Variants in FRAS1 observed in about 807,000 individuals in gnomAD.
The protein encoded by FRAS1 is Fraser extracellular matrix complex subunit 1, also known as extracellular matrix organizing protein FRAS1.
In FRAS1, 290 loss-of-function variants were observed where a neutral mutation model predicts 435.2. That is an observed-to-expected ratio of 0.67 (90% CI 0.61 to 0.73). FRAS1 has a LOEUF of 0.73. Among genes scored for constraint, FRAS1 ranks in the 30% least tolerant of loss-of-function variants. FRAS1 has a pLI of 0.00. For missense variants in FRAS1, 4,860 were observed against 5,001.5 expected (o/e 0.97, Z 0.85); for synonymous variants, 1,800 against 1,851.0 (o/e 0.97, Z 0.71).
Position 78,166,626 on chromosome 4 carries a change from G to C in FRAS1, c.109-70884G>C, listed in dbSNP as rs77512440. On this transcript the variant is annotated intron_variant, in intron 2 of 73. Coordinates refer to ENST00000512123, the MANE Select transcript of FRAS1 (RefSeq NM_025074.7). ...TCTCAAGAATGTTTAGTTTTCTCAA[G>C]AGTCACCAAATATTTTTAGGCAGTG... 7.0e-3 allele frequency among the ~76,000 whole-genome samples: 1,068 copies of C among 152,240 alleles called. 15 individuals carry two copies. Among genetic ancestry groups the C allele is most frequent in the African/African-American group, 0.024 (1,015 of 41,556 alleles).
intron 20 of FRAS1, among the ~76,000 whole-genome samples, chr4:78,339,124 A>G (rs1054706249): frequency 6.6e-6 from 1 of 152,190 alleles, no homozygotes; most frequent in African/African-American, 2.4e-5. Flanking sequence ...CGTAGTCAGG[A>G]CTGTCTTGGA....
intron 2 of FRAS1, among the ~76,000 whole-genome samples, chr4:78,217,889 CT>C (rs1167434207): frequency 2.0e-5 from 1 of 51,026 alleles, no homozygotes; most frequent in Non-Finnish European, 4.0e-5. Context: ...TCCCCTTCCC[CT>C]CTCCTCTCTT....
At chr4:78,116,027 G>T (rs1231732091) in intron 2 of FRAS1, among the ~76,000 whole-genome samples, 14 of 152,128 alleles carry the variant, frequency 9.2e-5, no homozygotes, top group Non-Finnish European at 2.1e-4. Flanking sequence ...CTGGTATGTT[G>T]TGTCTTTGTT....
chr4:78,152,296 C>T (rs558358731), intron 2 of FRAS1, among the ~76,000 whole-genome samples: 1 of 152,160 alleles, frequency 6.6e-6, no homozygotes, highest in Admixed American at 6.5e-5. Flanking sequence ...AGGCACTTTT[C>T]CTGCCCTGTT....
At chr4:78,469,549 T>C (rs1014805994) in intron 50 of FRAS1, among the ~76,000 whole-genome samples, 3 of 152,144 alleles carry the variant, frequency 2.0e-5, no homozygotes, top group African/African-American at 7.2e-5. Context: ...CACCTAGAAA[T>C]TTCAACATTA....
intron 9 of FRAS1, among the ~76,000 whole-genome samples, chr4:78,271,827 C>G (rs1448741102): frequency 6.6e-6 from 1 of 152,194 alleles, no homozygotes; most frequent in Non-Finnish European, 1.5e-5. Flanking sequence ...TGGGTATACA[C>G]CCAGTAATGG....
intron 14 of FRAS1, among the ~76,000 whole-genome samples, chr4:78,296,348 T>C (rs1364416491): frequency 2.6e-5 from 4 of 152,120 alleles, no homozygotes; most frequent in African/African-American, 7.2e-5. Flanking sequence ...AAGCCTTCAA[T>C]TGGCAAAGGG....
intron 2 of FRAS1, among the ~76,000 whole-genome samples, chr4:78,167,563 C>T (rs1009256138): frequency 6.6e-6 from 1 of 151,994 alleles, no homozygotes; most frequent in Non-Finnish European, 1.5e-5. Flanking sequence ...CATTAACTGG[C>T]ACTTACTATG....
chr4:78,433,163 A>T (rs1388536795), intron 38 of FRAS1, among the ~76,000 whole-genome samples: 1 of 152,150 alleles, frequency 6.6e-6, no homozygotes, highest in African/African-American at 2.4e-5. Flanking sequence ...GGCCAAGGAG[A>T]GGATCAAGGA....
intron 2 of FRAS1, among the ~76,000 whole-genome samples, chr4:78,127,518 G>A (rs1261917480): frequency 6.6e-6 from 1 of 152,030 alleles, no homozygotes; most frequent in African/African-American, 2.4e-5. Flanking sequence ...AGAAGAGGAG[G>A]GATTTGGGAG....
intron 15 of FRAS1, among the ~76,000 whole-genome samples, chr4:78,308,835 T>C (rs1431576914): frequency 6.6e-6 from 1 of 152,166 alleles, no homozygotes; most frequent in Admixed American, 6.5e-5. Flanking sequence ...TGCATGTCAA[T>C]TCCCACTTGT....
chr4:78,189,330 T>C lies in FRAS1; in HGVS notation c.109-48180T>C, dbSNP rs566091464. Among the ~76,000 whole-genome samples the C allele has an allele frequency of 2.6e-5, 4 of 152,322 alleles. No individual in the cohort carries two copies. In the South Asian group the frequency reaches 8.3e-4, roughly 32 times the overall value. On this transcript the variant is annotated intron_variant, in intron 2 of 73. Transcript: ENST00000512123. ...GGACGAGGTAGTGCATCCCACTTGGTTTCCTTCAGTTCAGACTGGACTGCC... is the reference window on the plus strand; with the variant it reads ...GGACGAGGTAGTGCATCCCACTTGGCTTCCTTCAGTTCAGACTGGACTGCC...
intron 4 of FRAS1, among the ~76,000 whole-genome samples, chr4:78,247,231 T>C (rs1162088148): frequency 2.0e-5 from 3 of 152,160 alleles, no homozygotes; most frequent in Non-Finnish European, 4.4e-5. Context: ...GGTTCATCCC[T>C]CTGCAATAAT....
chr4:78,063,534 T>C (rs1292344655), intron 1 of FRAS1, among the ~76,000 whole-genome samples: 1 of 152,216 alleles, frequency 6.6e-6, no homozygotes. Flanking sequence ...TAATTCCTTT[T>C]CCTAATGATA....
intron 2 of FRAS1, among the ~76,000 whole-genome samples, chr4:78,197,723 T>C (rs927758576): frequency 5.3e-5 from 8 of 151,928 alleles, no homozygotes; most frequent in Non-Finnish European, 1.0e-4. Flanking sequence ...GGGTGGATCA[T>C]GAGGTCAGGA....
intron 20 of FRAS1, 111 bp from the exon 21 acceptor site, chr4:78,363,402 G>C (rs1461857724): frequency 9.3e-7 from 1 of 1,075,726 alleles, no homozygotes; most frequent in African/African-American, 1.6e-5. Context: ...CTACTCTCCA[G>C]CTGTCAGCTG....
At chr4:78,284,350 G>C in intron 12 of FRAS1, 55 bp from the exon 13 acceptor site, 3 of 1,503,804 alleles carry the variant, frequency 2.0e-6, no homozygotes, top group Non-Finnish European at 2.7e-6. Context: ...AAGGATGTAA[G>C]AGAAATAATA....
chr4:78,113,386 C>A (rs1188714559), intron 2 of FRAS1, among the ~76,000 whole-genome samples: 2 of 152,126 alleles, frequency 1.3e-5, no homozygotes, highest in Non-Finnish European at 2.9e-5. Flanking sequence ...AGTTCTAGAT[C>A]CCTGAGGAAT....
chr4:78,389,693 G>A (rs1450150134), intron 29 of FRAS1, among the ~76,000 whole-genome samples: 1 of 152,168 alleles, frequency 6.6e-6, no homozygotes, highest in African/African-American at 2.4e-5. Context: ...GGATTTCAGT[G>A]CCACCCTAGC....
Sources: gnomAD v4.1 joint callset for allele counts (sites outside exome capture counted in the v4.1 genomes callset) on GRCh38, gnomAD v4.1.1 for gene constraint, MANE v1.5 for transcripts, NCBI Gene and HGNC (gene_info 2026-07-23, HGNC 2026-07-21) for gene names.